AKNAD1: variants seen among roughly 807,000 people sequenced by gnomAD.
AKNAD1 encodes the protein AKNA domain containing 1, also known as protein AKNAD1.
Under a neutral mutation model 90.8 loss-of-function variants are expected in AKNAD1, and 67 were observed. The ratio of observed to expected loss-of-function variants is 0.74; its 90% CI spans 0.61 to 0.90. The LOEUF (loss-of-function observed/expected upper bound fraction) is 0.90. AKNAD1 is among the 40% of genes least tolerant of loss of function. AKNAD1 has a pLI of 0.00. For missense variants in AKNAD1, 957 were observed against 975.4 expected (o/e 0.98, Z 0.25); for synonymous variants, 327 against 341.4 (o/e 0.96, Z 0.46).
intron 1 of AKNAD1, among the ~76,000 whole-genome samples, chr1:108,855,003 A>T (rs1193333531): frequency 6.6e-6 from 1 of 152,216 alleles, no homozygotes; most frequent in Non-Finnish European, 1.5e-5. Flanking sequence ...GTTGTTGAAA[A>T]ATGAAAAAAC....
chr1:108,849,722 A>G (rs890202147), intron 2 of AKNAD1, 146 bp from the exon 3 acceptor site: 4 of 613,954 alleles, frequency 6.5e-6, no homozygotes, highest in Non-Finnish European at 1.2e-5. Context: ...GTTGAATTCC[A>G]CTCTGACACT....
intron 1 of AKNAD1, 135 bp from the exon 2 acceptor site, chr1:108,852,902 T>C: frequency 8.5e-6 from 3 of 353,920 alleles, no homozygotes; most frequent in Admixed American, 4.7e-5. Flanking sequence ...AACCACAAGC[T>C]GACCCAACCT....
chr1:108,834,436 C>G lies in AKNAD1; in HGVS notation c.1746+11G>C, dbSNP rs769985256. On this transcript the variant is annotated intron_variant, in intron 9 of 15. Coordinates refer to ENST00000370001, the MANE Select transcript of AKNAD1 (RefSeq NM_152763.5). ...GAAGAACCCAGCCAGGCCCCGGCTG[C>G]AGGACATTACCCCAGAGTTAGAAGA... 1.2e-6 allele frequency: 2 copies of G among 1,602,336 alleles called. No individual in the cohort carries two copies. Among genetic ancestry groups the G allele is most frequent in the African/African-American group, 2.7e-5 (2 of 74,588 alleles).
chr1:108,838,251 A>G (rs567655418), intron 6 of AKNAD1, among the ~76,000 whole-genome samples: 1 of 152,230 alleles, frequency 6.6e-6, no homozygotes, highest in East Asian at 1.9e-4. Context: ...AATTTCAAGA[A>G]AATCCAAAAT....
Position 108,830,506 on chromosome 1 carries a change from T to C in AKNAD1, c.1838+53A>G. ...CCGCCCACTCTCACTGGAGTTACTA[T>C]GCCAGGACTGACTCCAATCCACCCT... On this transcript the variant is annotated intron_variant, in intron 10 of 15. Transcript: ENST00000370001. The C allele has an allele frequency of 3.9e-6, 6 of 1,555,942 alleles. No homozygotes were observed. In the Admixed American group the frequency reaches 5.0e-5, roughly 13 times the overall value.
At chr1:108,830,317 G>A (rs547025293) in intron 10 of AKNAD1, among the ~76,000 whole-genome samples, 13 of 152,326 alleles carry the variant, frequency 8.5e-5, no homozygotes, top group African/African-American at 2.9e-4. Flanking sequence ...CAGTAGGTGG[G>A]ATGGAGGCAT....
In AKNAD1 at chr1:108,823,422, T is replaced by A. The variant is rs765041099; in HGVS notation, c.2115A>T (p.Arg705Ser). ...PGQNYSNHSK[R>S]GAFVQPHSLD... is the part of the protein sequence containing the mutation. The stretch of plus-strand genomic sequence containing the variant: ...AAGAATGGGGCTGGACAAAGGCACC[T>A]CTTTTGCTATGATTTGAGTAATTCT... Residue 705 changes from arginine (R) to serine (S), a missense_variant, in exon 13 of 16, where the codon AGA becomes AGT. Coordinates refer to ENST00000370001, the MANE Select transcript of AKNAD1 (RefSeq NM_152763.5). 1 of 1,614,188 alleles carries A rather than the reference T, an allele frequency of 6.2e-7. No homozygotes were observed. The highest frequency in any genetic ancestry group is 8.5e-7 in the Non-Finnish European group (1 of 1,180,018).
At chr1:108,849,224 T>C (rs143896054) in intron 3 of AKNAD1, among the ~76,000 whole-genome samples, 164 bp from the exon 4 acceptor site, 1 of 152,272 alleles carries the variant, frequency 6.6e-6, no homozygotes, top group East Asian at 1.9e-4. Flanking sequence ...CTCACACCTG[T>C]AATCCCAGCA....
chr1:108,836,527 G>A (rs1664393238), intron 7 of AKNAD1, among the ~76,000 whole-genome samples: 1 of 152,210 alleles, frequency 6.6e-6, no homozygotes, highest in Admixed American at 6.5e-5. Context: ...ATGCATAAAT[G>A]ACCTGACGCT....
At chr1:108,857,915 T>C (rs1300397536), upstream of AKNAD1, 1 of 152,334 alleles carries the variant, frequency 6.6e-6, no homozygotes, top group Non-Finnish European at 1.5e-5. Context: ...ATGTGAATAG[T>C]GTACATCTAA....
rs568170606 is a variant in AKNAD1, at chr1:108,848,634, T to G, written c.1245+118A>C. On this transcript the variant is annotated intron_variant, in intron 5 of 15. Coordinates refer to ENST00000370001, the MANE Select transcript of AKNAD1 (RefSeq NM_152763.5). ...CCCATAAACAAAGATGGTTTAATCT[T>G]TAGCAAAACATTTCCACTCCCACCA... 7.6e-6 allele frequency: 7 copies of G among 915,040 alleles called. No individual in the cohort carries two copies. The African/African-American group carries it at 8.3e-5, about 11-fold the overall frequency. 56.7% of individuals were successfully genotyped at this position (915,040 alleles called of 1,614,324 possible).
At chr1:108,847,464 A>C (rs116671684) in intron 5 of AKNAD1, among the ~76,000 whole-genome samples, 2,292 of 151,654 alleles carry the variant, frequency 0.015, 54 homozygotes, top group African/African-American at 0.053. Flanking sequence ...AAAAAAACAA[A>C]AAAAAAAACC....
At chr1:108,817,209 C>T (rs745537388) in intron 14 of AKNAD1, 32 bp from the exon 15 acceptor site, 2 of 1,612,272 alleles carry the variant, frequency 1.2e-6, no homozygotes, top group South Asian at 1.1e-5. Flanking sequence ...ATACTTGTGT[C>T]AAGCGCCACC....
At chr1:108,824,009 A>G (rs1186121332) in intron 11 of AKNAD1, among the ~76,000 whole-genome samples, 1 of 152,172 alleles carries the variant, frequency 6.6e-6, no homozygotes, top group Admixed American at 6.5e-5. Flanking sequence ...ACAACCTTGT[A>G]TTTGTATTTG....
At chr1:108,847,172 T>C (rs1445226702) in intron 5 of AKNAD1, among the ~76,000 whole-genome samples, 2 of 151,940 alleles carry the variant, frequency 1.3e-5, no homozygotes, top group Non-Finnish European at 2.9e-5. Context: ...TGCAGCCAGG[T>C]GCAGCGGCTC....
At chr1:108,836,017 A>G (rs1664376920) in intron 7 of AKNAD1, among the ~76,000 whole-genome samples, 1 of 152,220 alleles carries the variant, frequency 6.6e-6, no homozygotes, top group African/African-American at 2.4e-5. Context: ...CAATACCTAG[A>G]AAAGTGCTAG....
rs190870139 is a variant in AKNAD1, at chr1:108,849,401, C to G, written c.1033+136G>C. 4.2e-3 allele frequency: 2,633 copies of G among 624,984 alleles called. 17 individuals carry two copies. Among genetic ancestry groups the G allele is most frequent in the Non-Finnish European group, 6.1e-3 (2,148 of 354,934 alleles). The allele number at this position is 624,984 out of a possible 1,614,324, so 38.7% of individuals were successfully genotyped here. On this transcript the variant is annotated intron_variant, in intron 3 of 15. Transcript: ENST00000370001. ...GGATGAGGTGGGAGGATCATTTGAG[C>G]CCCAGAGGTCAAGGCTGCAATGAAC... is the stretch of plus-strand genomic sequence containing the variant.
Position 108,823,472 on chromosome 1 carries a change from G to A in AKNAD1, c.2065C>T (p.His689Tyr), listed in dbSNP as rs1663888183. Residue 689 changes from histidine (H) to tyrosine (Y), a missense_variant, in exon 13 of 16, where the codon CAT becomes TAT. Physicochemically the swap from His to Tyr is moderately conservative, Grantham distance 83. Transcript: ENST00000370001. ...TGTCCTGGAGTGTTGTATCTATAAT[G>A]AAATTCTGGGAAGAAAAGATTAAAA... The part of the protein sequence containing the change: ...ACRKEPTKEF[H>Y]YRYNTPGQNY... The A allele has an allele frequency of 1.2e-6, 2 of 1,613,368 alleles. No homozygotes were observed. The highest frequency in any genetic ancestry group is 1.1e-5 in the South Asian group (1 of 91,060).
chr1:108,834,525 G>A lies in AKNAD1; in HGVS notation c.1668C>T (p.Tyr556=). 2 of 1,532,754 alleles carry A rather than the reference G, an allele frequency of 1.3e-6. No homozygotes were observed. The highest frequency in any genetic ancestry group is 1.7e-6 in the Non-Finnish European group (2 of 1,146,016). 94.9% of individuals were successfully genotyped at this position (1,532,754 alleles called of 1,614,324 possible). A position where few individuals can be genotyped will look rare whatever the true frequency, so the allele number is the denominator to read the frequency against. The change falls in exon 9 of 16, where the codon TAC becomes TAT. Residue 556 remains tyrosine, a synonymous_variant. Transcript: ENST00000370001. The part of the protein sequence containing the change: ...EELCELAPQT[Y]LNGHYGDAAA... ...CTGCATCTCCATAATGACCGTTTAG[G>A]TAACTAATTTAAAAAAAAAAAAAGC...
Sources: allele counts gnomAD v4.1 joint callset (sites outside exome capture counted in the v4.1 genomes callset), GRCh38; gene constraint gnomAD v4.1.1; transcripts MANE v1.5; gene names NCBI Gene and HGNC (gene_info 2026-07-23, HGNC 2026-07-21).